The following SORBS2 variants were observed in gnomAD, a reference collection of about 807,000 sequenced individuals.
The protein encoded by SORBS2 is sorbin and SH3 domain containing 2.
SORBS2 carries 46 observed loss-of-function variants against 97.7 expected under a neutral mutation model. The observed-to-expected ratio is 0.47, with a 90% CI of 0.37 to 0.60. SORBS2 has a LOEUF of 0.60. SORBS2 is among the 20% of genes least tolerant of loss of function. SORBS2 has a pLI of 0.00. For synonymous variants in SORBS2, 476 were observed against 473.4 expected, an observed-to-expected ratio of 1.01 and a Z score of -0.07; for missense variants, 1,316 against 1,282.3, an observed-to-expected ratio of 1.03 and a Z score of -0.40.
At chr4:185,680,684 T>G (rs1425831173) in intron 2 of SORBS2, among the ~76,000 whole-genome samples, 1 of 152,124 alleles carries the variant, frequency 6.6e-6, no homozygotes, top group Admixed American at 6.5e-5. Flanking sequence ...AGGCTGTGTG[T>G]TAGCGCTGGG....
chr4:185,746,596 G>A (rs1306112032), intron 2 of SORBS2, among the ~76,000 whole-genome samples: 1 of 152,184 alleles, frequency 6.6e-6, no homozygotes, highest in Non-Finnish European at 1.5e-5. Flanking sequence ...GGGATTACAG[G>A]TGTGGGCCAC....
chr4:185,783,110 C>T (rs562635467), intron 1 of SORBS2, among the ~76,000 whole-genome samples: 14 of 152,240 alleles, frequency 9.2e-5, no homozygotes, highest in African/African-American at 3.4e-4. Context: ...TAATACACAC[C>T]GTGCTAGGAA....
chr4:185,755,136 G>C (rs188777850), intron 2 of SORBS2, among the ~76,000 whole-genome samples: 1 of 152,216 alleles, frequency 6.6e-6, no homozygotes, highest in Non-Finnish European at 1.5e-5. Flanking sequence ...CCAATATTAG[G>C]CTACGTCAAG....
chr4:185,766,541 A>G (rs2098935192), intron 2 of SORBS2, among the ~76,000 whole-genome samples: 1 of 152,192 alleles, frequency 6.6e-6, no homozygotes, highest in African/African-American at 2.4e-5. Context: ...CACAAAAAAT[A>G]TACCCATCTG....
chr4:185,891,144 C>T (rs922636830), intron 1 of SORBS2, among the ~76,000 whole-genome samples: 9 of 138,340 alleles, frequency 6.5e-5, no homozygotes, highest in African/African-American at 2.3e-4. Flanking sequence ...TTTAATTCTG[C>T]TTATTCTAAT....
At position 185,792,463 on chromosome 4, in the gene SORBS2, C is replaced by T. The variant is rs12645220; in HGVS notation, c.-337-17097G>A. 2.6e-4 allele frequency among the ~76,000 whole-genome samples: 40 copies of T among 151,332 alleles called. No homozygotes were observed. The East Asian group carries it at 3.9e-3, about 15-fold the overall frequency. Reference sequence around the variant, plus strand: ...TAGCTGAGATCATGCCACTGCACTCCGACCTGGGCGACAGGGTGCGACTCC... The same window carrying T: ...TAGCTGAGATCATGCCACTGCACTCTGACCTGGGCGACAGGGTGCGACTCC... On this transcript the variant is annotated intron_variant, in intron 1 of 20. Transcript: ENST00000284776.
intron 1 of SORBS2, among the ~76,000 whole-genome samples, chr4:185,895,365 G>A (rs1340126074): frequency 6.6e-6 from 1 of 152,206 alleles, no homozygotes; most frequent in African/African-American, 2.4e-5. Flanking sequence ...AATCCAAGAA[G>A]ACCAGGTAAG....
At chr4:185,943,827 C>G (rs1409588003) in intron 1 of SORBS2, among the ~76,000 whole-genome samples, 1 of 152,206 alleles carries the variant, frequency 6.6e-6, no homozygotes, top group Non-Finnish European at 1.5e-5. Flanking sequence ...TTGGGGTCTC[C>G]TGTTTCTAGG....
At chr4:185,836,382 G>A (rs1266260494) in intron 1 of SORBS2, among the ~76,000 whole-genome samples, 1 of 152,192 alleles carries the variant, frequency 6.6e-6, no homozygotes, top group African/African-American at 2.4e-5. Flanking sequence ...TAAAAGGTCA[G>A]TTTATAGGAG....
At chr4:185,678,753 G>A in intron 3 of SORBS2, 43 bp downstream of exon 6, 3 of 1,346,628 alleles carry the variant, frequency 2.2e-6, no homozygotes, top group Non-Finnish European at 3.0e-6. Flanking sequence ...TTTTCTAAAA[G>A]TCACAAATAA....
At chr4:185,890,137 T>C (rs1463434374) in intron 1 of SORBS2, among the ~76,000 whole-genome samples, 1 of 152,218 alleles carries the variant, frequency 6.6e-6, no homozygotes, top group Admixed American at 6.5e-5. Context: ...TCCACCCACC[T>C]CAGCCTCCCA....
At chr4:185,853,130 G>T (rs1476276976) in intron 1 of SORBS2, among the ~76,000 whole-genome samples, 1 of 152,134 alleles carries the variant, frequency 6.6e-6, no homozygotes, top group Non-Finnish European at 1.5e-5. Context: ...TGGCTTCTCA[G>T]TGCCATCCTT....
Position 185,713,582 on chromosome 4 carries a change from G to A in SORBS2, c.-197-34760C>T, listed in dbSNP as rs189132158. 3.3e-5 allele frequency among the ~76,000 whole-genome samples: 5 copies of A among 152,314 alleles called. 1 individual carries two copies. In the East Asian group the frequency reaches 9.6e-4, roughly 29 times the overall value. ...ACAGGGTAGTTAGGGGAAGGGATGA[G>A]TATTACAAGTTGCTGAAAACAATAT... is the stretch of plus-strand genomic sequence containing the variant. On this transcript the variant is annotated intron_variant, in intron 2 of 20. Coordinates refer to the SORBS2 transcript ENST00000284776.
intron 1 of SORBS2, among the ~76,000 whole-genome samples, chr4:185,841,284 G>A (rs2099211358): frequency 6.6e-6 from 1 of 152,254 alleles, no homozygotes; most frequent in African/African-American, 2.4e-5. Flanking sequence ...GTTAGTTGTT[G>A]CCAAAAACAA....
At chr4:185,713,040 G>T (rs1224311763) in intron 2 of SORBS2, among the ~76,000 whole-genome samples, 2 of 152,054 alleles carry the variant, frequency 1.3e-5, no homozygotes, top group Non-Finnish European at 2.9e-5. Context: ...TCAAACATCT[G>T]AGAGACATCA....
intron 1 of SORBS2, among the ~76,000 whole-genome samples, chr4:185,947,253 T>C (rs1044831780): frequency 1.3e-5 from 2 of 152,214 alleles, no homozygotes; most frequent in African/African-American, 4.8e-5. Flanking sequence ...TTATGGGATC[T>C]GTACTATAGT....
chr4:185,941,631 C>A (rs532692690), intron 1 of SORBS2, among the ~76,000 whole-genome samples: 1 of 152,190 alleles, frequency 6.6e-6, no homozygotes, highest in Non-Finnish European at 1.5e-5. Flanking sequence ...CTGATTCAGC[C>A]CACACTCTCT....
chr4:185,953,649 G>A (rs1236537339), intron 1 of SORBS2, among the ~76,000 whole-genome samples: 1 of 152,226 alleles, frequency 6.6e-6, no homozygotes, highest in African/African-American at 2.4e-5. Context: ...AGATGAAGAC[G>A]CTAATAAGGG....
intron 1 of SORBS2, among the ~76,000 whole-genome samples, chr4:185,908,306 T>TATTTGTATACACACAA (rs1554049960): frequency 5.4e-5 from 6 of 110,268 alleles, no homozygotes; most frequent in African/African-American, 1.9e-4. Flanking sequence ...TATATATATA[T>TATTTGTATACACACAA]ATATATATAT....
Sources: allele counts gnomAD v4.1 joint callset (sites outside exome capture counted in the v4.1 genomes callset), GRCh38; gene constraint gnomAD v4.1.1; transcripts MANE v1.5; gene names NCBI Gene and HGNC (gene_info 2026-07-23, HGNC 2026-07-21).